Variants in TG observed in about 807,000 individuals in gnomAD.
TG encodes the protein thyroid hormones.
A neutral mutation model predicts 324.7 loss-of-function variants in TG; 270 were observed. The ratio of observed to expected loss-of-function variants is 0.83; its 90% CI spans 0.75 to 0.92. The LOEUF is 0.92. Ranked by LOEUF, TG falls within the 40% of genes least tolerant of loss-of-function variation. The pLI is 0.00. For synonymous variants in TG, 1,401 were observed against 1,327.0 expected (o/e 1.06, Z -1.21); for missense variants, 3,591 against 3,456.4 (o/e 1.04, Z -0.98).
In TG at chr8:132,987,303, T is replaced by G. The variant is rs559547206; in HGVS notation, c.6262+3891T>G. 2.9e-4 allele frequency among the ~76,000 whole-genome samples: 44 copies of G among 152,368 alleles called. No individual in the cohort carries two copies. In the South Asian group the frequency reaches 8.9e-3, roughly 31 times the overall value. On this transcript the variant is annotated intron_variant, in intron 35 of 47. Coordinates refer to ENST00000220616, the MANE Select transcript of TG (RefSeq NM_003235.5). ...ATGTGAATCAGAGGGAGGGGATAAC[T>G]CTGCCTTCAGGGTGTTGAAATGTCA...
rs749297076 is a variant in TG, at chr8:133,013,568, C to T, written c.6398-32C>T. On this transcript the variant is annotated intron_variant, in intron 36 of 47. Transcript: ENST00000220616. ...ATGAGTGAAGTAACATCTCTGAGGC[C>T]CAAGCATCACTCTTCTCCCTCTTTT... 7 of 1,613,458 alleles carry T rather than the reference C, an allele frequency of 4.3e-6. No individual in the cohort carries two copies. The South Asian group carries it at 6.6e-5, about 15-fold the overall frequency.
intron 26 of TG, among the ~76,000 whole-genome samples, chr8:132,947,143 T>G (rs1825437734): frequency 6.6e-6 from 1 of 152,122 alleles, no homozygotes; most frequent in Non-Finnish European, 1.5e-5. Flanking sequence ...TCTTAGCTCC[T>G]AGACAAACCA....
In TG at chr8:132,941,546, ATGT is replaced by A. The variant is rs748410002; in HGVS notation, c.5233+7_5233+9del. 12 of 1,614,110 alleles carry A rather than the reference ATGT, an allele frequency of 7.4e-6. No homozygotes were observed. Among genetic ancestry groups the A allele is most frequent in the Non-Finnish European group, 1.0e-5 (12 of 1,180,020 alleles). On this transcript the variant is annotated splice_donor_5th_base_variant and intron_variant, in intron 26 of 47. Transcript: ENST00000220616. ...GTCCTCACACAGGTTCAAGGAGGTA[ATGT>A]TGGCAGTGAGGGCCAGGGCCTAACA... is the stretch of plus-strand genomic sequence containing the variant.
At chr8:132,938,514 A>G (rs1403599053) in intron 25 of TG, among the ~76,000 whole-genome samples, 1 of 152,180 alleles carries the variant, frequency 6.6e-6, no homozygotes, top group African/African-American at 2.4e-5. Context: ...GGCCTGCTTC[A>G]TTGTCTAGGC....
At chr8:132,973,149 C>G (rs1007012274) in intron 34 of TG, among the ~76,000 whole-genome samples, 2 of 152,180 alleles carry the variant, frequency 1.3e-5, no homozygotes, top group African/African-American at 4.8e-5. Flanking sequence ...GACAGCTTGA[C>G]GGTCCTAACA....
At chr8:133,050,860 G>A (rs759337267) in intron 41 of TG, 1 of 1,613,910 alleles carries the variant, frequency 6.2e-7, no homozygotes, top group East Asian at 2.2e-5. Flanking sequence ...ATATCGGGGG[G>A]CTGATGTCAG....
chr8:133,075,578 G>A (rs73346753), intron 41 of TG, among the ~76,000 whole-genome samples: 3,679 of 152,288 alleles, frequency 0.024, 152 homozygotes, highest in African/African-American at 0.084. Flanking sequence ...GCGGGAGAAC[G>A]TCTAGTTCTT....
intron 16 of TG, among the ~76,000 whole-genome samples, chr8:132,902,535 G>C (rs1463300222): frequency 6.6e-6 from 1 of 152,108 alleles, no homozygotes; most frequent in African/African-American, 2.4e-5. Flanking sequence ...CCCAAGTCCT[G>C]TTTTGCTGCC....
chr8:133,018,259 C>T (rs1010914338), intron 38 of TG, among the ~76,000 whole-genome samples: 2 of 152,174 alleles, frequency 1.3e-5, no homozygotes, highest in Non-Finnish European at 2.9e-5. Flanking sequence ...GATTCAGGGA[C>T]GCAGGCTGAT....
intron 35 of TG, among the ~76,000 whole-genome samples, chr8:132,994,033 T>C (rs1267056068): frequency 6.6e-6 from 1 of 152,166 alleles, no homozygotes; most frequent in Non-Finnish European, 1.5e-5. Flanking sequence ...TGTCTTCCTC[T>C]TTCTCTATAA....
intron 1 of TG, among the ~76,000 whole-genome samples, chr8:132,867,523 G>GGT (rs1377632730): frequency 4.8e-5 from 6 of 124,958 alleles, no homozygotes; most frequent in African/African-American, 1.9e-4. Context: ...CCAAGCTTCT[G>GGT]TTTTTTTTTT....
At chr8:133,074,965 C>T (rs1056434111) in intron 41 of TG, 20 of 985,326 alleles carry the variant, frequency 2.0e-5, no homozygotes, top group East Asian at 1.1e-4. Context: ...AACAGGCAGC[C>T]GGGCTTCTCG....
chr8:133,101,612 C>T (rs768766115), intron 43 of TG, among the ~76,000 whole-genome samples: 18 of 152,194 alleles, frequency 1.2e-4, no homozygotes, highest in Non-Finnish European at 2.4e-4. Flanking sequence ...ACAGGGTGTC[C>T]AGCATGTTTT....
chr8:133,033,197 A>C (rs1333845882), intron 41 of TG, among the ~76,000 whole-genome samples: 1 of 152,206 alleles, frequency 6.6e-6, no homozygotes, highest in Non-Finnish European at 1.5e-5. Flanking sequence ...TGTATTTCCC[A>C]AGGTCTTGAG....
chr8:132,943,895 G>T (rs776236089), intron 26 of TG, among the ~76,000 whole-genome samples: 1 of 152,046 alleles, frequency 6.6e-6, no homozygotes, highest in Non-Finnish European at 1.5e-5. Context: ...TCCTTAAACT[G>T]TGCCTTCTCT....
chr8:132,966,464 C>A, intron 29 of TG, 96 bp from the exon 30 acceptor site: 1 of 1,150,306 alleles, frequency 8.7e-7, no homozygotes. Context: ...CTGTCTCTCT[C>A]TCTGTGTGTG....
intron 41 of TG, chr8:133,040,001 G>A: frequency 6.5e-7 from 1 of 1,550,114 alleles, no homozygotes; most frequent in Non-Finnish European, 8.7e-7. Flanking sequence ...TACTCACCTG[G>A]ACACTCTCCT....
rs1827670738 is a variant in TG, at chr8:132,960,981, C to T, written c.5402-27C>T. 1.9e-6 allele frequency: 3 copies of T among 1,612,088 alleles called. No homozygotes were observed. The African/African-American group carries it at 4.0e-5, about 22-fold the overall frequency. On this transcript the variant is annotated intron_variant, in intron 27 of 47. Transcript: ENST00000220616. ...TACCCAGTGACAGCACACTCAAGCT[C>T]ATAAAAATAAACATCTTCCTTTGCA...
chr8:133,113,678 G>T, intron 44 of TG, 75 bp downstream of exon 44: 1 of 1,537,862 alleles, frequency 6.5e-7, no homozygotes. Flanking sequence ...TTCAGGTCAT[G>T]AATGAGAAAT....
Sources: allele counts gnomAD v4.1 joint callset (sites outside exome capture counted in the v4.1 genomes callset), GRCh38; gene constraint gnomAD v4.1.1; transcripts MANE v1.5; gene names NCBI Gene and HGNC (gene_info 2026-07-23, HGNC 2026-07-21).